Variants in TENM2 observed in about 807,000 individuals in gnomAD.
The protein encoded by TENM2 is teneurin transmembrane protein 2, also known as teneurin-2.
Under a neutral mutation model 245.2 loss-of-function variants are expected in TENM2, and 52 were observed. The observed-to-expected ratio is 0.21, with a 90% CI of 0.17 to 0.27. The LOEUF is 0.27. TENM2 is among the 10% of genes least tolerant of loss of function. The pLI, the probability that TENM2 is intolerant of heterozygous loss-of-function variation, is 1.00. For synonymous variants in TENM2, 1,363 were observed against 1,438.9 expected (o/e 0.95, Z 1.19); for missense variants, 3,046 against 3,666.8 (o/e 0.83, Z 4.37).
At chr5:167,646,606 C>T (rs922687062) in intron 2 of TENM2, among the ~76,000 whole-genome samples, 17 of 151,604 alleles carry the variant, frequency 1.1e-4, no homozygotes, top group African/African-American at 2.4e-4. Context: ...ACAAACGCTA[C>T]GGGGCAAGAG....
chr5:168,216,883 C>G (rs753478288), exon 22 of TENM2: 1 of 1,613,974 alleles, frequency 6.2e-7, no homozygotes, highest in Non-Finnish European at 8.5e-7. Context: ...TCACTGCCGT[C>G]CGGCCGCTGA....
chr5:167,789,161 C>A (rs1360333670), intron 2 of TENM2, among the ~76,000 whole-genome samples: 2 of 152,226 alleles, frequency 1.3e-5, no homozygotes, highest in Non-Finnish European at 2.9e-5. Flanking sequence ...GATAATCAGG[C>A]TAGGCCTCGA....
In TENM2 at chr5:168,180,732, C is replaced by CTAAAAA. The variant is rs1488815366; in HGVS notation, c.2570-9592_2570-9587dup. Among the ~76,000 whole-genome samples, 1,039 of 152,132 alleles carry CTAAAAA rather than the reference C, an allele frequency of 6.8e-3. 10 individuals carry two copies. Among genetic ancestry groups the CTAAAAA allele is most frequent in the African/African-American group, 0.023 (958 of 41,470 alleles). On this transcript the variant is annotated intron_variant, in intron 13 of 28. Transcript: ENST00000518659. ...CCAACATGGTGAAACCCTGTCTCTA[C>CTAAAAA]TAAAAATAAAAATAAAAAAATTAGC...
the TENM2 span, among the ~76,000 whole-genome samples, chr5:167,097,123 AAGGCATTGGCTTGTC>A: frequency 3.3e-5 from 5 of 152,164 alleles, no homozygotes; most frequent in Non-Finnish European, 5.9e-5. Flanking sequence ...TCAAACGCTC[AAGGCATTGGCTTGTC>A]AGTGGTGGGT....
chr5:167,954,673 G>A (rs1261143583), intron 4 of TENM2, among the ~76,000 whole-genome samples: 1 of 152,092 alleles, frequency 6.6e-6, no homozygotes, highest in African/African-American at 2.4e-5. Context: ...GTGTCCATGT[G>A]TTCTTATTGT....
chr5:167,866,996 A>G (rs561259060), intron 2 of TENM2, among the ~76,000 whole-genome samples: 1 of 152,372 alleles, frequency 6.6e-6, no homozygotes, highest in African/African-American at 2.4e-5. Context: ...TCTGCTGGAC[A>G]GCGTCAATCT....
intron 2 of TENM2, among the ~76,000 whole-genome samples, chr5:167,668,425 G>A (rs73801323): frequency 1.6e-4 from 24 of 152,002 alleles, no homozygotes; most frequent in African/African-American, 4.8e-4. Context: ...TTTTAAAAAC[G>A]TTCCACAAAT....
chr5:167,158,062 C>T, the TENM2 span, among the ~76,000 whole-genome samples: 1 of 152,102 alleles, frequency 6.6e-6, no homozygotes, highest in Non-Finnish European at 1.5e-5. Context: ...AAATCTGTAT[C>T]ATGGCTTAGA....
At chr5:167,445,336 T>TATAGGGAGAGAGAGAGAGAG (rs368881390) in intron 2 of TENM2, among the ~76,000 whole-genome samples, 1 of 77,314 alleles carries the variant, frequency 1.3e-5, no homozygotes, top group African/African-American at 5.6e-5. Context: ...TATATATATA[T>TATAGGGAGAGAGAGAGAGAG]AGAGAGAGAG....
intron 5 of TENM2, among the ~76,000 whole-genome samples, chr5:168,034,954 TTTCA>T (rs1360345886): frequency 1.3e-5 from 2 of 152,212 alleles, no homozygotes; most frequent in African/African-American, 4.8e-5. Context: ...TATAAAATAC[TTTCA>T]TTCAGCACAT....
chr5:168,147,370 C>T (rs1484500723), intron 12 of TENM2, among the ~76,000 whole-genome samples: 2 of 152,198 alleles, frequency 1.3e-5, no homozygotes. Flanking sequence ...CACACAGTAG[C>T]ATATTTTGCA....
rs191010257 is a variant in TENM2, at chr5:167,701,619, A to G, written c.503-174367A>G. ...GCTCTGGTTCTGTGTCTTACTTGAA[A>G]AATAGGAAGGATAATAAGCCCTCAC... On this transcript the variant is annotated intron_variant, in intron 2 of 28. Coordinates refer to ENST00000518659, the Ensembl canonical transcript of TENM2. 4.6e-3 allele frequency among the ~76,000 whole-genome samples: 700 copies of G among 152,294 alleles called. 2 individuals carry two copies. Among genetic ancestry groups the G allele is most frequent in the Middle Eastern group, 0.01 (3 of 294 alleles).
chr5:168,092,316 C>A (rs893979379), intron 8 of TENM2, among the ~76,000 whole-genome samples: 6 of 152,218 alleles, frequency 3.9e-5, no homozygotes, highest in African/African-American at 1.4e-4. Context: ...GGAGTTGGCT[C>A]CACTGTAGCC....
intron 2 of TENM2, among the ~76,000 whole-genome samples, chr5:167,634,661 T>A (rs1779080808): frequency 7.1e-6 from 1 of 141,322 alleles, no homozygotes; most frequent in Non-Finnish European, 1.5e-5. Flanking sequence ...ATAAAGCTTC[T>A]TTTTTTTTTT....
intron 25 of TENM2, among the ~76,000 whole-genome samples, chr5:168,235,454 G>A (rs552990546): frequency 6.6e-6 from 1 of 152,300 alleles, no homozygotes; most frequent in African/African-American, 2.4e-5. Flanking sequence ...AAACCCTAAT[G>A]GAGCTTATGC....
At chr5:167,725,612 A>T (rs1759945231) in intron 2 of TENM2, among the ~76,000 whole-genome samples, 1 of 152,160 alleles carries the variant, frequency 6.6e-6, no homozygotes, top group Non-Finnish European at 1.5e-5. Flanking sequence ...TTTCTGCAAC[A>T]GCTTCCCAAT....
At chr5:167,239,021 C>T in the TENM2 span, among the ~76,000 whole-genome samples, 1 of 152,154 alleles carries the variant, frequency 6.6e-6, no homozygotes, top group Non-Finnish European at 1.5e-5. Flanking sequence ...AGCAACATTC[C>T]TTATGTGTCT....
chr5:167,709,664 C>CA (rs1758775300), intron 2 of TENM2, among the ~76,000 whole-genome samples: 1 of 152,176 alleles, frequency 6.6e-6, no homozygotes, highest in African/African-American at 2.4e-5. Context: ...ATATCGTACT[C>CA]AATCTCCCCT....
intron 17 of TENM2, among the ~76,000 whole-genome samples, chr5:168,201,939 C>G (rs536403477): frequency 1.6e-4 from 24 of 152,076 alleles, no homozygotes; most frequent in Non-Finnish European, 2.9e-4. Context: ...TATCTCCTGA[C>G]CATTGATAGT....
Sources: gnomAD v4.1 joint callset for allele counts (sites outside exome capture counted in the v4.1 genomes callset) on GRCh38, gnomAD v4.1.1 for gene constraint, MANE v1.5 for transcripts, NCBI Gene and HGNC (gene_info 2026-07-23, HGNC 2026-07-21) for gene names.